The following GRB7 variants were observed in gnomAD, a reference collection of about 807,000 sequenced individuals.
GRB7 encodes the protein growth factor receptor bound protein 7.
A neutral mutation model predicts 64.1 loss-of-function variants in GRB7; 47 were observed. The observed-to-expected ratio is 0.73, with a 90% CI of 0.58 to 0.94. The LOEUF is 0.94. GRB7 is among the 40% of genes least tolerant of loss of function. The pLI, the probability that GRB7 is intolerant of heterozygous loss-of-function variation, is 0.00. For missense variants in GRB7, 634 were observed against 718.4 expected, an observed-to-expected ratio of 0.88 and a Z score of 1.34; for synonymous variants, 277 against 279.9, an observed-to-expected ratio of 0.99 and a Z score of 0.10.
rs945891954 is a variant in GRB7, at chr17:39,743,038, C to G, written c.447C>G (p.His149Gln). Residue 149 changes from histidine (H) to glutamine (Q), a missense_variant, in exon 4 of 15, where the codon CAC becomes CAG. His to Gln is a conservative substitution (Grantham distance 24). Coordinates refer to ENST00000309156, the MANE Select transcript of GRB7 (RefSeq NM_005310.5). ...AGACCTGGGGGCTGGTGGAGTGCCA[C>G]CCCCACCTAGCACTGGGTAAGTCAG... ...SDETWGLVEC[H>Q]PHLALERGLE... 18 of 1,606,626 alleles carry G rather than the reference C, an allele frequency of 1.1e-5. No individual in the cohort carries two copies. The highest frequency in any genetic ancestry group is 1.3e-5 in the Non-Finnish European group (15 of 1,175,660).
At chr17:39,744,493 G>T (rs900815245) in intron 7 of GRB7, 60 bp from the exon 8 acceptor site, 4 of 1,364,686 alleles carry the variant, frequency 2.9e-6, no homozygotes, top group Admixed American at 3.9e-5. Flanking sequence ...TGGCTTGTGG[G>T]GGGAGGTAAT....
intron 1 of GRB7, chr17:39,738,989 G>T (rs959446191): frequency 2.0e-6 from 3 of 1,468,550 alleles, no homozygotes; most frequent in South Asian, 2.4e-5. Context: ...GTGTATGAGG[G>T]GCTCTGCAGT....
At position 39,742,878 on chromosome 17, in the gene GRB7, G is replaced by A. The variant is rs1184694887; in HGVS notation, c.307-20G>A. On this transcript the variant is annotated intron_variant, in intron 3 of 14. Transcript: ENST00000309156. The stretch of plus-strand genomic sequence containing the variant: ...CACCCTTTGCCTCCCCTCAAGTCGT[G>A]TGCAATTCCTGGGGCGCAGGTAGTA... The A allele has an allele frequency of 1.3e-6, 2 of 1,565,580 alleles. No homozygotes were observed. The highest frequency in any genetic ancestry group is 1.2e-5 in the South Asian group (1 of 84,502).
At position 39,744,617 on chromosome 17, in the gene GRB7, G is replaced by A. The variant is rs778547650; in HGVS notation, c.866G>A (p.Gly289Asp). ...TCCAACGTGTACGTGGTGACGCAGGGCCGCAAGCTCTACGGGATGCCCACT... is the reference window on the plus strand; with the variant it reads ...TCCAACGTGTACGTGGTGACGCAGGACCGCAAGCTCTACGGGATGCCCACT... ...NESNVYVVTQ[G>D]RKLYGMPTDF... The change falls in exon 8 of 15, where the codon GGC (glycine) becomes GAC (aspartate). Residue 289 changes from glycine to aspartate, a missense_variant. By Grantham distance (94) the Gly-to-Asp change is moderately conservative. Transcript: ENST00000309156. 3 of 1,611,792 alleles carry A rather than the reference G, an allele frequency of 1.9e-6. No individual in the cohort carries two copies. The highest frequency in any genetic ancestry group is 2.5e-6 in the Non-Finnish European group (3 of 1,178,930).
chr17:39,740,687 C>T lies in GRB7; in HGVS notation c.-50-1565C>T, dbSNP rs138697858. 5.8e-3 allele frequency among the ~76,000 whole-genome samples: 887 copies of T among 152,338 alleles called. 10 individuals are homozygous for T. Among genetic ancestry groups the T allele is most frequent in the African/African-American group, 0.02 (849 of 41,566 alleles). On this transcript the variant is annotated intron_variant, in intron 1 of 14. Coordinates refer to ENST00000309156, the MANE Select transcript of GRB7 (RefSeq NM_005310.5). ...CCTGTTCCCAGCCCCGTGCCTCCCC[C>T]ATTCCGCTCTGGCTAGCAGTGGGTT...
At chr17:39,741,342 C>A (rs2143396828) in intron 1 of GRB7, among the ~76,000 whole-genome samples, 1 of 152,262 alleles carries the variant, frequency 6.6e-6, no homozygotes, top group East Asian at 1.9e-4. Context: ...GGAGGGTACG[C>A]AAGGTTTGGG....
At chr17:39,744,290 G>T in intron 7 of GRB7, 83 bp downstream of exon 7, 2 of 1,542,194 alleles carry the variant, frequency 1.3e-6, no homozygotes, top group Non-Finnish European at 1.8e-6. Flanking sequence ...GAACCTCTGA[G>T]CCCTTCTCCC....
chr17:39,742,766 G>A (rs757155066), intron 3 of GRB7, 50 bp downstream of exon 3: 21 of 1,530,370 alleles, frequency 1.4e-5, no homozygotes, highest in Non-Finnish European at 1.8e-5. Flanking sequence ...TTCTGGGTCT[G>A]TGGGAGATAC....
At position 39,746,836 on chromosome 17, in the gene GRB7, A is replaced by G; in HGVS notation, c.1538A>G (p.Gln513Arg). 1 of 1,613,708 alleles carries G rather than the reference A, an allele frequency of 6.2e-7. No individual in the cohort carries two copies. Among genetic ancestry groups the G allele is most frequent in the South Asian group, 1.1e-5 (1 of 91,084 alleles). ...CTGCTGCAGCTCGTGGAGTTCCACC[A>G]GCTGAACCGCGGCATCCTGCCGTGC... is the stretch of plus-strand genomic sequence containing the variant. ...TDLLQLVEFHQLNRGILPCLL... is the reference protein window; with the variant it reads ...TDLLQLVEFHRLNRGILPCLL... Residue 513 changes from glutamine to arginine, a missense_variant, in exon 15 of 15, where the codon CAG becomes CGG. By Grantham distance (43) the Gln-to-Arg change is conservative. Around this residue, in one of 2 missense-constraint regions of GRB7, gnomAD observed 467 missense variants for 576.6 expected, o/e 0.81. Coordinates refer to ENST00000309156, the MANE Select transcript of GRB7 (RefSeq NM_005310.5).
At chr17:39,741,296 G>A (rs1269652727) in intron 1 of GRB7, among the ~76,000 whole-genome samples, 1 of 152,172 alleles carries the variant, frequency 6.6e-6, no homozygotes, top group African/African-American at 2.4e-5. Context: ...CTAGCACTGG[G>A]GCTTCAGGAA....
At chr17:39,744,488 T>C in intron 7 of GRB7, 65 bp from the exon 8 acceptor site, 1 of 1,290,666 alleles carries the variant, frequency 7.7e-7, no homozygotes, top group Non-Finnish European at 1.1e-6. Context: ...CCACCTGGCT[T>C]GTGGGGGGAG....
chr17:39,744,241 C>T (rs1567928216), intron 7 of GRB7, 34 bp downstream of exon 7: 4 of 1,611,196 alleles, frequency 2.5e-6, no homozygotes, highest in Non-Finnish European at 3.4e-6. Context: ...CCAGCCCCTC[C>T]AGTCCCTGGT....
rs547915417 is a variant in GRB7 at position 39,739,022 on chromosome 17, G to T, written c.-51+889G>T. The stretch of plus-strand genomic sequence containing the variant: ...AGTGCGGTGGGGCCTGGGGAGAGTG[G>T]GGTGGGGGATAGCAGATGGTTTCTT... On this transcript the variant is annotated intron_variant, in intron 1 of 14. Coordinates refer to ENST00000309156, the MANE Select transcript of GRB7 (RefSeq NM_005310.5). The T allele has an allele frequency of 1.3e-4, 148 of 1,097,790 alleles. No homozygotes were observed. In the East Asian group the frequency reaches 3.9e-3, roughly 29 times the overall value. 68.0% of individuals were successfully genotyped at this position (1,097,790 alleles called of 1,614,324 possible).
At chr17:39,739,206 C>T (rs2059975500) in intron 1 of GRB7, among the ~76,000 whole-genome samples, 2 of 148,660 alleles carry the variant, frequency 1.3e-5, no homozygotes, top group African/African-American at 4.9e-5. Flanking sequence ...TTTTGGTCCG[C>T]CGGTCTTGGA....
chr17:39,741,401 A>C (rs975066449), intron 1 of GRB7, among the ~76,000 whole-genome samples: 1 of 152,096 alleles, frequency 6.6e-6, no homozygotes, highest in Non-Finnish European at 1.5e-5. Flanking sequence ...TCCCCCTTGC[A>C]CTGCAGCGGA....
chr17:39,739,065 G>A (rs924574702), intron 1 of GRB7: 1 of 688,470 alleles, frequency 1.5e-6, no homozygotes, highest in African/African-American at 1.8e-5. Context: ...ATGAGGCTAG[G>A]GAGAGACCCA....
At position 39,742,437 on chromosome 17, in the gene GRB7, C is replaced by G. The variant is rs1221820422; in HGVS notation, c.136C>G (p.Leu46Val). The change falls in exon 2 of 15, where the codon CTC (leucine) becomes GTC (valine). Residue 46 changes from leucine (L) to valine (V), a missense_variant. This residue lies in a region of GRB7 where 167 missense variants were observed against 141.9 expected (regional missense o/e 1.18). Coordinates refer to ENST00000309156, the MANE Select transcript of GRB7 (RefSeq NM_005310.5). ...PEEVKRSQPL[L>V]IPTTGRKLRE... ...GGAGGTAAAGAGGTCCCAGCCTCTC[C>G]TCATCCCAACCACCGGCAGGTACGA... The G allele has an allele frequency of 6.2e-7, 1 of 1,613,998 alleles. No homozygotes were observed. Among genetic ancestry groups the G allele is most frequent in the Non-Finnish European group, 8.5e-7 (1 of 1,179,990 alleles).
intron 1 of GRB7, chr17:39,738,450 G>C (rs1453074078): frequency 1.3e-5 from 2 of 154,132 alleles, no homozygotes; most frequent in Non-Finnish European, 2.9e-5. Flanking sequence ...TCTGGAGGCC[G>C]GTAGGGAAAG....
At chr17:39,743,914 G>A (rs373559342) in intron 6 of GRB7, among the ~76,000 whole-genome samples, 156 bp from the exon 7 acceptor site, 1 of 151,568 alleles carries the variant, frequency 6.6e-6, no homozygotes, top group East Asian at 1.9e-4. Flanking sequence ...GATCACTTGA[G>A]CTCGGGAGGT....
Sources: allele counts gnomAD v4.1 joint callset (sites outside exome capture counted in the v4.1 genomes callset), GRCh38; gene constraint gnomAD v4.1.1; regional missense constraint gnomAD v4.1.1; transcripts MANE v1.5; gene names NCBI Gene and HGNC (gene_info 2026-07-23, HGNC 2026-07-21).